The following OCLN variants were observed in gnomAD, a reference collection of about 807,000 sequenced individuals.
OCLN encodes the protein phosphatase 1, regulatory subunit 115.
A neutral mutation model predicts 47.9 loss-of-function variants in OCLN; 21 were observed. The observed-to-expected ratio is 0.44, with a 90% CI of 0.31 to 0.63. OCLN has a LOEUF of 0.63. Among genes scored for constraint, OCLN ranks in the 30% least tolerant of loss-of-function variants. OCLN has a pLI of 0.08. For missense variants in OCLN, 360 were observed against 571.0 expected, an observed-to-expected ratio of 0.63 and a Z score of 3.77; for synonymous variants, 117 against 198.4, an observed-to-expected ratio of 0.59 and a Z score of 3.45.
At chr5:69,529,193 A>G (rs555780095) in intron 4 of OCLN, among the ~76,000 whole-genome samples, 2 of 152,292 alleles carry the variant, frequency 1.3e-5, no homozygotes, top group African/African-American at 4.8e-5. Flanking sequence ...GTGAGGAAGA[A>G]TCACGGTAGG....
Position 69,504,232 on chromosome 5 carries a change from T to C in OCLN, c.-13T>C, listed in dbSNP as rs1258795262. ...GCTCATCCTGAAGATCAGCTGACCA[T>C]TGACAATCAGCCATGTCATCCAGGC... On this transcript the variant is annotated 5_prime_UTR_variant, in exon 2 of 9. Transcript: ENST00000396442. The C allele has an allele frequency of 6.2e-6, 10 of 1,600,696 alleles. No individual in the cohort carries two copies. Among genetic ancestry groups the C allele is most frequent in the Admixed American group, 1.7e-5 (1 of 60,002 alleles).
intron 4 of OCLN, among the ~76,000 whole-genome samples, chr5:69,515,981 C>T (rs530243689): frequency 2.0e-5 from 3 of 151,076 alleles, no homozygotes; most frequent in Admixed American, 6.6e-5. Context: ...GATGGGATGG[C>T]GGCCGGGCAG....
At chr5:69,532,820 T>C (rs990935780) in intron 4 of OCLN, among the ~76,000 whole-genome samples, 1 of 151,718 alleles carries the variant, frequency 6.6e-6, no homozygotes, top group South Asian at 2.1e-4. Flanking sequence ...ATACAAAAAT[T>C]AGCCGGGCAT....
chr5:69,533,404 C>T (rs1354468087), intron 4 of OCLN, among the ~76,000 whole-genome samples: 1 of 152,062 alleles, frequency 6.6e-6, no homozygotes, highest in African/African-American at 2.4e-5. Context: ...TGGATAGAAA[C>T]AAAGTTGTTC....
At chr5:69,548,879 G>A (rs1362208011) in intron 7 of OCLN, among the ~76,000 whole-genome samples, 2 of 151,050 alleles carry the variant, frequency 1.3e-5, no homozygotes, top group Non-Finnish European at 3.0e-5. Flanking sequence ...AGAATTGCTT[G>A]AACCTGGGAT....
At chr5:69,495,598 T>C (rs535478201) in intron 1 of OCLN, among the ~76,000 whole-genome samples, 1 of 152,346 alleles carries the variant, frequency 6.6e-6, no homozygotes, top group East Asian at 1.9e-4. Context: ...TTTTATTAAT[T>C]GAGTACTCAT....
At chr5:69,537,321 C>T (rs1433310097) in intron 5 of OCLN, among the ~76,000 whole-genome samples, 1 of 47,546 alleles carries the variant, frequency 2.1e-5, no homozygotes, top group African/African-American at 7.9e-5. Context: ...CTTTAGTCAC[C>T]TAAGTAGCTG....
At chr5:69,504,868 T>G (rs1325192916) in intron 2 of OCLN, among the ~76,000 whole-genome samples, 1 of 152,014 alleles carries the variant, frequency 6.6e-6, no homozygotes, top group African/African-American at 2.4e-5. Flanking sequence ...GGCAGGAGAT[T>G]CACTTGAACC....
intron 4 of OCLN, among the ~76,000 whole-genome samples, chr5:69,521,933 A>G (rs924463909): frequency 6.6e-6 from 1 of 152,130 alleles, no homozygotes; most frequent in Non-Finnish European, 1.5e-5. Flanking sequence ...TATTATGGAT[A>G]TTAATATTTT....
In OCLN at chr5:69,509,389, G is replaced by A. The variant is rs1768706241; in HGVS notation, c.299G>A (p.Gly100Asp). Residue 100 changes from glycine to aspartate, a missense_variant, in exon 3 of 9, where the codon GGT becomes GAT. Physicochemically the swap from Gly to Asp is moderately conservative, Grantham distance 94 (BLOSUM62 -1). Transcript: ENST00000396442. ...DRGYGTSLLG[G>D]SVGYPYGGSG... Reference sequence around the variant, plus strand: ...GGCTATGGAACTTCCCTTTTAGGAGGTAGTGTAGGCTACCCTTATGGAGGA... The same window carrying A: ...GGCTATGGAACTTCCCTTTTAGGAGATAGTGTAGGCTACCCTTATGGAGGA... 6.2e-7 allele frequency: 1 copy of A among 1,614,188 alleles called. No homozygotes were observed. The highest frequency in any genetic ancestry group is 8.5e-7 in the Non-Finnish European group (1 of 1,180,034).
chr5:69,525,200 G>T (rs1046469944), intron 4 of OCLN, among the ~76,000 whole-genome samples: 12 of 151,916 alleles, frequency 7.9e-5, no homozygotes, highest in Admixed American at 6.6e-4. Flanking sequence ...CACCTCCCGG[G>T]TTGACGCCAT....
chr5:69,504,644 T>C (rs77525192), intron 2 of OCLN, among the ~76,000 whole-genome samples: 1,851 of 152,306 alleles, frequency 0.012, 39 homozygotes, highest in African/African-American at 0.043. Context: ...TTTTTAAAAA[T>C]AACAGCTTTA....
At chr5:69,510,229 TG>T (rs1184125978) in intron 3 of OCLN, among the ~76,000 whole-genome samples, 1 of 152,232 alleles carries the variant, frequency 6.6e-6, no homozygotes, top group Non-Finnish European at 1.5e-5. Context: ...ATGTGGTCTT[TG>T]TGATGGGCTT....
intron 2 of OCLN, among the ~76,000 whole-genome samples, chr5:69,505,647 G>A (rs144276221): frequency 5.0e-4 from 76 of 152,278 alleles, no homozygotes; most frequent in Non-Finnish European, 8.7e-4. Context: ...GGGGTTTTGG[G>A]CTCCTTGGTC....
At chr5:69,516,525 G>T (rs544896459) in intron 4 of OCLN, among the ~76,000 whole-genome samples, 1 of 152,106 alleles carries the variant, frequency 6.6e-6, no homozygotes, top group Non-Finnish European at 1.5e-5. Context: ...AGAGGGAGAG[G>T]GGGGAGAGGG....
chr5:69,535,640 A>G (rs1477732812), intron 5 of OCLN, among the ~76,000 whole-genome samples: 7 of 121,212 alleles, frequency 5.8e-5, no homozygotes, highest in Non-Finnish European at 1.2e-4. Flanking sequence ...CCTTGAGTGA[A>G]CATCACAGTG....
chr5:69,550,428 G>A (rs1319006506), intron 7 of OCLN, among the ~76,000 whole-genome samples: 1 of 151,420 alleles, frequency 6.6e-6, no homozygotes, highest in Non-Finnish European at 1.5e-5. Flanking sequence ...CTGACCTCAG[G>A]TGATCTGCCT....
Position 69,492,909 on chromosome 5 carries a change from TGGGCGCGGCGTCAG to T in OCLN, c.-69+16_-69+29del, listed in dbSNP as rs1000771041. 6.6e-6 allele frequency: 1 copy of T among 152,296 alleles called. No homozygotes were observed. Among genetic ancestry groups the T allele is most frequent in the Non-Finnish European group, 1.5e-5 (1 of 68,298 alleles). The allele number at this position is 152,296 out of a possible 1,614,324, so 9.4% of individuals were successfully genotyped here. On this transcript the variant is annotated intron_variant, in intron 1 of 8. Transcript: ENST00000396442. ...CCAGTTGCGGCGAGCGGGTGAGTGT[TGGGCGCGGCGTCAG>T]GGGCGCACGGGAGCCCGAGGGTCCC...
chr5:69,514,528 A>G (rs1271299429), intron 4 of OCLN, among the ~76,000 whole-genome samples: 1 of 150,640 alleles, frequency 6.6e-6, no homozygotes, highest in Admixed American at 6.6e-5. Flanking sequence ...GGCCTTTTAA[A>G]CTTTTTTTTT....
Sources: gnomAD v4.1 joint callset for allele counts (sites outside exome capture counted in the v4.1 genomes callset) on GRCh38, gnomAD v4.1.1 for gene constraint, MANE v1.5 for transcripts, NCBI Gene and HGNC (gene_info 2026-07-23, HGNC 2026-07-21) for gene names.